The following GLB1 variants were observed in gnomAD, a reference collection of about 807,000 sequenced individuals.
The protein encoded by GLB1 is beta-galactosidase.
A neutral mutation model predicts 74.0 loss-of-function variants in GLB1; 56 were observed. The observed-to-expected ratio is 0.76, with a 90% CI of 0.61 to 0.94. The LOEUF is 0.94. GLB1 is among the 40% of genes least tolerant of loss of function. The pLI is 0.00. For synonymous variants in GLB1, 323 were observed against 323.6 expected (o/e 1.00, Z 0.02); for missense variants, 787 against 845.5 (o/e 0.93, Z 0.86).
chr3:33,090,842 CA>C, intron 1 of GLB1: 1 of 985,092 alleles, frequency 1.0e-6, no homozygotes, highest in East Asian at 1.1e-4. Flanking sequence ...ATCAGTCAAG[CA>C]AGGACTTCAG....
chr3:33,032,544 A>G (rs990525449), intron 10 of GLB1, among the ~76,000 whole-genome samples: 12 of 151,786 alleles, frequency 7.9e-5, no homozygotes, highest in African/African-American at 2.7e-4. Flanking sequence ...TCAATCACCA[A>G]ATCCTATCAA....
At chr3:33,091,640 C>T (rs1700767496) in intron 1 of GLB1, 3 of 984,254 alleles carry the variant, frequency 3.0e-6, no homozygotes, top group Middle Eastern at 5.2e-4. Context: ...GAGGTAGATA[C>T]GATAATTATC....
At chr3:33,016,952 G>A in intron 13 of GLB1, 112 bp from the exon 14 acceptor site, 1 of 1,507,068 alleles carries the variant, frequency 6.6e-7, no homozygotes, top group Non-Finnish European at 8.9e-7. Flanking sequence ...AGTGTCACCA[G>A]ACTTGGAAAG....
At chr3:33,058,050 T>G (rs773482294) in intron 6 of GLB1, 39 bp downstream of exon 6, 1 of 1,611,982 alleles carries the variant, frequency 6.2e-7, no homozygotes, top group African/African-American at 1.3e-5. Context: ...AGTAAAAAGC[T>G]GATTTTAAGC....
chr3:32,975,785 T>C, the GLB1 span, among the ~76,000 whole-genome samples: 1 of 152,164 alleles, frequency 6.6e-6, no homozygotes, highest in Non-Finnish European at 1.5e-5. Flanking sequence ...TGTAATAGGA[T>C]AGTGTGGAAA....
rs780232995 is a variant in GLB1 at position 33,016,717 on chromosome 3, C to T, written c.1471G>A (p.Asp491Asn). Residue 491 changes from aspartate (D) to asparagine (N), a missense_variant, in exon 14 of 16, where the codon GAT becomes AAT. Physicochemically the swap from Asp to Asn is conservative, Grantham distance 23 (BLOSUM62 1). Coordinates refer to ENST00000307363, the MANE Select transcript of GLB1 (RefSeq NM_000404.4). ...GRVNYGAYIN[D>N]FKGLVSNLTL... ...AGTGTGGTTTGTCCTACCTTAAAAT[C>T]GTTGATATATGCACCATAGTTCACA... is the stretch of plus-strand genomic sequence containing the variant. 8.7e-6 allele frequency: 14 copies of T among 1,613,748 alleles called. No individual in the cohort carries two copies. Among genetic ancestry groups the T allele is most frequent in the Admixed American group, 3.3e-5 (2 of 59,986 alleles).
chr3:32,967,713 C>T, the GLB1 span, among the ~76,000 whole-genome samples: 2 of 152,176 alleles, frequency 1.3e-5, no homozygotes, highest in African/African-American at 4.8e-5. Flanking sequence ...TGAATGGAGA[C>T]AACAGATTTA....
At chr3:33,094,407 A>C in intron 1 of GLB1, 1 of 1,303,068 alleles carries the variant, frequency 7.7e-7, no homozygotes, top group East Asian at 2.7e-5. Context: ...CTTGAATCCA[A>C]GCTACTCAAA....
the GLB1 span, among the ~76,000 whole-genome samples, chr3:32,975,811 T>C: frequency 6.6e-6 from 1 of 152,192 alleles, no homozygotes; most frequent in African/African-American, 2.4e-5. Context: ...TTTAAATAAA[T>C]ATGCTGATCT....
At position 33,068,890 on chromosome 3, in the gene GLB1, C is replaced by G. The variant is rs754790691; in HGVS notation, c.326G>C (p.Arg109Pro). Residue 109 changes from arginine to proline, a missense_variant, in exon 3 of 16, where the codon CGG (arginine) becomes CCG (proline). Physicochemically the swap from Arg to Pro is moderately radical, Grantham distance 103. Transcript: ENST00000307363. Reference protein sequence around the residue: ...SEDHDVEYFLRLAHELGLLVI... With the variant: ...SEDHDVEYFLPLAHELGLLVI... ...CAGCAGTCCCAGCTCATGAGCCAGC[C>G]GAAGAAAATATTCCACATCATGGTC... The G allele has an allele frequency of 1.2e-6, 2 of 1,614,086 alleles. No homozygotes were observed. The highest frequency in any genetic ancestry group is 2.2e-5 in the South Asian group (2 of 91,068).
intron 3 of GLB1, 79 bp downstream of exon 3, chr3:33,068,741 T>C: frequency 6.2e-7 from 1 of 1,610,734 alleles, no homozygotes; most frequent in Non-Finnish European, 8.5e-7. Flanking sequence ...AATGCAGGTC[T>C]GCTTTAATTC....
the GLB1 span, among the ~76,000 whole-genome samples, chr3:32,975,902 C>T: frequency 1.3e-5 from 2 of 152,216 alleles, no homozygotes; most frequent in African/African-American, 4.8e-5. Flanking sequence ...GAGGTGGCTC[C>T]TGCCCAATAG....
At chr3:33,062,589 A>C (rs1046208736) in intron 5 of GLB1, among the ~76,000 whole-genome samples, 6 of 152,176 alleles carry the variant, frequency 3.9e-5, no homozygotes, top group African/African-American at 1.2e-4. Context: ...AGAGATTGAG[A>C]CCATCCTGAC....
chr3:33,016,619 T>C, intron 14 of GLB1, 90 bp downstream of exon 14: 1 of 1,576,110 alleles, frequency 6.3e-7, no homozygotes, highest in Non-Finnish European at 8.7e-7. Flanking sequence ...CCCAAAGTGC[T>C]GAGATTACAG....
Position 33,018,443 on chromosome 3 carries a change from C to T in GLB1, c.1347+5G>A. 1 of 1,606,816 alleles carries T rather than the reference C, an allele frequency of 6.2e-7. No homozygotes were observed. The highest frequency in any genetic ancestry group is 8.5e-7 in the Non-Finnish European group (1 of 1,175,498). Reference sequence around the variant, plus strand: ...CAAAACGCACAGTTCAGAGACGATTCTTACCCCATCCACAGCAACATATGC... The same window carrying T: ...CAAAACGCACAGTTCAGAGACGATTTTTACCCCATCCACAGCAACATATGC... On this transcript the variant is annotated splice_donor_5th_base_variant and intron_variant, in intron 13 of 15. Coordinates refer to ENST00000307363, the MANE Select transcript of GLB1 (RefSeq NM_000404.4).
chr3:33,054,125 A>G (rs956088826), intron 6 of GLB1, among the ~76,000 whole-genome samples: 3 of 152,192 alleles, frequency 2.0e-5, no homozygotes, highest in Admixed American at 6.5e-5. Context: ...CCATTTTTGA[A>G]GCAGAGAGCA....
chr3:32,993,915 C>T (rs771431316), downstream of GLB1, among the ~76,000 whole-genome samples: 5 of 152,048 alleles, frequency 3.3e-5, no homozygotes, highest in Non-Finnish European at 7.4e-5. Flanking sequence ...GCCATCCACC[C>T]ACCTCGGCCT....
chr3:32,984,641 T>C, the GLB1 span, among the ~76,000 whole-genome samples: 1 of 151,880 alleles, frequency 6.6e-6, no homozygotes. Context: ...TAGCTTGGTG[T>C]TACCAGGCAC....
chr3:32,966,351 T>C, the GLB1 span, among the ~76,000 whole-genome samples: 5 of 152,190 alleles, frequency 3.3e-5, no homozygotes, highest in Admixed American at 1.3e-4. Context: ...AACTTTAAGG[T>C]TTACTGACTG....
Sources: allele counts gnomAD v4.1 joint callset (sites outside exome capture counted in the v4.1 genomes callset), GRCh38; gene constraint gnomAD v4.1.1; transcripts MANE v1.5; gene names NCBI Gene and HGNC (gene_info 2026-07-23, HGNC 2026-07-21).